The following TBC1D32 variants were observed in gnomAD, a reference collection of about 807,000 sequenced individuals.
TBC1D32 encodes the protein TBC1 domain family member 32, also known as protein broad-minded.
In TBC1D32, 151 loss-of-function variants were observed where a neutral mutation model predicts 170.3. The observed-to-expected ratio is 0.89, with a 90% CI of 0.78 to 1.01. The LOEUF is 1.01. TBC1D32 is among the 50% of genes least tolerant of loss of function. The pLI is 0.00. For synonymous variants in TBC1D32, 498 were observed against 488.0 expected (o/e 1.02, Z -0.27); for missense variants, 1,464 against 1,457.1 (o/e 1.00, Z -0.08).
intron 18 of TBC1D32, 53 bp downstream of exon 18, chr6:121,242,148 G>A (rs1797066129): frequency 6.4e-7 from 1 of 1,566,436 alleles, no homozygotes; most frequent in Non-Finnish European, 8.7e-7. Context: ...TGTTCTTAAT[G>A]GCTTTTAAAA....
intron 30 of TBC1D32, among the ~76,000 whole-genome samples, chr6:121,097,429 A>C (rs1391242910): frequency 1.3e-5 from 2 of 152,198 alleles, no homozygotes; most frequent in Admixed American, 1.3e-4. Context: ...GCAGCCAACA[A>C]ACATATGAAA....
intron 24 of TBC1D32, among the ~76,000 whole-genome samples, chr6:121,146,925 G>A (rs1041222618): frequency 7.9e-5 from 12 of 152,116 alleles, no homozygotes; most frequent in Non-Finnish European, 1.6e-4. Flanking sequence ...CCAGGGTGAT[G>A]AGCACAGCAG....
chr6:121,280,723 G>C (rs948682412), intron 14 of TBC1D32, among the ~76,000 whole-genome samples: 13 of 147,932 alleles, frequency 8.8e-5, no homozygotes, highest in Non-Finnish European at 1.6e-4. Flanking sequence ...ATATAAGAAA[G>C]AAAGTAATTA....
At chr6:121,137,578 G>A (rs912008787) in intron 24 of TBC1D32, among the ~76,000 whole-genome samples, 2 of 151,376 alleles carry the variant, frequency 1.3e-5, no homozygotes, top group Admixed American at 1.3e-4. Context: ...TTAAAAAATC[G>A]ATTGATAGTT....
At chr6:121,255,522 T>TATA (rs954705132) in intron 16 of TBC1D32, 112 bp from the exon 17 acceptor site, 8 of 257,662 alleles carry the variant, frequency 3.1e-5, no homozygotes, top group Admixed American at 6.0e-5. Flanking sequence ...AATTATATTT[T>TATA]ATATTTCTTA....
At chr6:121,152,587 A>T (rs1301789856) in intron 24 of TBC1D32, among the ~76,000 whole-genome samples, 1 of 152,124 alleles carries the variant, frequency 6.6e-6, no homozygotes, top group Non-Finnish European at 1.5e-5. Context: ...TAATATCCTG[A>T]AGAGTGTTTT....
intron 8 of TBC1D32, 106 bp downstream of exon 8, chr6:121,304,259 A>G (rs1411032266): frequency 1.5e-5 from 14 of 948,596 alleles, no homozygotes; most frequent in Non-Finnish European, 2.2e-5. Flanking sequence ...ATCCCTTCCC[A>G]ATCAGGTAAG....
chr6:121,116,872 C>T (rs967969475), intron 26 of TBC1D32, among the ~76,000 whole-genome samples: 1 of 152,092 alleles, frequency 6.6e-6, no homozygotes, highest in East Asian at 1.9e-4. Context: ...AAAGTCTAGA[C>T]CCTCTCTAAA....
chr6:121,226,677 G>A (rs1795110381), intron 20 of TBC1D32, among the ~76,000 whole-genome samples: 1 of 152,034 alleles, frequency 6.6e-6, no homozygotes. Flanking sequence ...GTTAGTGTTC[G>A]GGGAATACAT....
chr6:121,171,222 CAG>C, intron 22 of TBC1D32, among the ~76,000 whole-genome samples: 1 of 150,676 alleles, frequency 6.6e-6, no homozygotes, highest in Non-Finnish European at 1.5e-5. Context: ...CAACCAAATT[CAG>C]AGTTTTGAGA....
At chr6:121,128,116 G>C (rs115755016) in intron 25 of TBC1D32, among the ~76,000 whole-genome samples, 2,282 of 152,264 alleles carry the variant, frequency 0.015, 62 homozygotes, top group East Asian at 0.084. Context: ...CAGTACATTA[G>C]AGGATTACGG....
At chr6:121,274,009 A>T (rs1277621394) in intron 15 of TBC1D32, among the ~76,000 whole-genome samples, 1 of 152,086 alleles carries the variant, frequency 6.6e-6, no homozygotes, top group Non-Finnish European at 1.5e-5. Context: ...TTCTTTGCTC[A>T]ATTAAACTCT....
At chr6:121,312,357 A>AT (rs967088605) in intron 3 of TBC1D32, among the ~76,000 whole-genome samples, 1 of 152,128 alleles carries the variant, frequency 6.6e-6, no homozygotes, top group Admixed American at 6.6e-5. Flanking sequence ...ACTTAAAGTA[A>AT]TTTTTTTAAG....
intron 24 of TBC1D32, among the ~76,000 whole-genome samples, chr6:121,141,003 T>C (rs1412254034): frequency 2.0e-5 from 3 of 152,046 alleles, no homozygotes; most frequent in Admixed American, 6.5e-5. Flanking sequence ...ATGGAAAAAA[T>C]ACAGGAGAAA....
chr6:121,225,480 A>G (rs547239568), intron 20 of TBC1D32, among the ~76,000 whole-genome samples: 165 of 152,182 alleles, frequency 1.1e-3, no homozygotes, highest in African/African-American at 3.8e-3. Flanking sequence ...GTAGAAAAAT[A>G]AATATAACCT....
chr6:121,094,536 G>C (rs1373410772), intron 30 of TBC1D32, among the ~76,000 whole-genome samples: 1 of 152,092 alleles, frequency 6.6e-6, no homozygotes. Context: ...AGAAGAAATA[G>C]TATGTGTCCA....
chr6:121,235,038 G>C (rs187959546), intron 20 of TBC1D32, among the ~76,000 whole-genome samples: 45 of 152,306 alleles, frequency 3.0e-4, no homozygotes, highest in African/African-American at 1.0e-3. Context: ...GGGAGTGCCT[G>C]CAAAGGGTCT....
At chr6:121,156,940 A>ATATGG (rs1181426782) in intron 24 of TBC1D32, among the ~76,000 whole-genome samples, 8 of 152,148 alleles carry the variant, frequency 5.3e-5, no homozygotes, top group Non-Finnish European at 1.2e-4. Context: ...ATGGTCAATC[A>ATATGG]CAGAATATGT....
chr6:121,242,244 T>C lies in TBC1D32; in HGVS notation c.2114A>G (p.Glu705Gly). ...LLLQRTGAIN[E>G]CVTFIFNRYA... is the part of the protein sequence containing the mutation. Reference sequence around the variant, plus strand: ...TCGATTGAATATAAATGTCACACATTCATTGATAGCACCTGTTCTTTGAAG... The same window carrying C: ...TCGATTGAATATAAATGTCACACATCCATTGATAGCACCTGTTCTTTGAAG... Residue 705 changes from glutamate (E) to glycine (G), a missense_variant, in exon 18 of 32, where the codon GAA becomes GGA. By Grantham distance (98) the Glu-to-Gly change is moderately conservative. Around this residue, in one of 3 missense-constraint regions of TBC1D32, gnomAD observed 1,363 missense variants for 1,338.1 expected, o/e 1.02. Coordinates refer to ENST00000398212, the MANE Select transcript of TBC1D32 (RefSeq NM_152730.6). The C allele has an allele frequency of 1.2e-6, 2 of 1,612,590 alleles. No homozygotes were observed. Among genetic ancestry groups the C allele is most frequent in the South Asian group, 2.2e-5 (2 of 90,942 alleles).
Sources: gnomAD v4.1 joint callset for allele counts (sites outside exome capture counted in the v4.1 genomes callset) on GRCh38, gnomAD v4.1.1 for gene constraint, gnomAD v4.1.1 regional missense constraint, MANE v1.5 for transcripts, NCBI Gene and HGNC (gene_info 2026-07-23, HGNC 2026-07-21) for gene names.